RAPGEF2: variants seen among roughly 807,000 people sequenced by gnomAD.
The protein encoded by RAPGEF2 is PDZ domain containing guanine nucleotide exchange factor (GEF) 1.
A neutral mutation model predicts 186.7 loss-of-function variants in RAPGEF2; 54 were observed. That is an observed-to-expected ratio of 0.29 (90% CI 0.23 to 0.36). RAPGEF2 has a LOEUF of 0.36. RAPGEF2 is among the 10% of genes least tolerant of loss of function. The pLI, the probability that RAPGEF2 is intolerant of heterozygous loss-of-function variation, is 1.00. For synonymous variants in RAPGEF2, 712 were observed against 705.9 expected (o/e 1.01, Z -0.14); for missense variants, 1,532 against 2,045.0 (o/e 0.75, Z 4.84).
chr4:159,220,254 A>G (rs1751404917), intron 4 of RAPGEF2, among the ~76,000 whole-genome samples: 1 of 151,990 alleles, frequency 6.6e-6, no homozygotes, highest in Non-Finnish European at 1.5e-5. Context: ...CAAAGTTAGG[A>G]GACACTAGCA....
intron 20 of RAPGEF2, among the ~76,000 whole-genome samples, chr4:159,342,250 T>G (rs886866063): frequency 1.3e-5 from 2 of 152,140 alleles, no homozygotes; most frequent in African/African-American, 4.8e-5. Context: ...TAAGTTTGTT[T>G]CAACTTTTCT....
chr4:159,228,164 TG>T (rs1410499284), intron 4 of RAPGEF2: 1 of 151,858 alleles, frequency 6.6e-6, no homozygotes, highest in Non-Finnish European at 1.5e-5. Context: ...GAGAGGTGGG[TG>T]GGTCATTGAA....
intron 1 of RAPGEF2, among the ~76,000 whole-genome samples, chr4:159,168,370 A>G (rs1745551450): frequency 6.6e-6 from 1 of 152,098 alleles, no homozygotes; most frequent in Non-Finnish European, 1.5e-5. Context: ...CGTGCATTTG[A>G]TAGCCAGAAC....
chr4:159,111,442 C>T (rs1404473578), intron 1 of RAPGEF2, among the ~76,000 whole-genome samples: 1 of 152,222 alleles, frequency 6.6e-6, no homozygotes, highest in Non-Finnish European at 1.5e-5. Flanking sequence ...CTGCCATTTG[C>T]AGTTTAGTTG....
intron 1 of RAPGEF2, among the ~76,000 whole-genome samples, chr4:159,180,277 C>CT (rs1746875395): frequency 6.6e-6 from 1 of 151,048 alleles, no homozygotes; most frequent in African/African-American, 2.5e-5. Context: ...CTCTAGTAAA[C>CT]TTTCTTTCAT....
At chr4:159,216,210 C>T (rs1425051052) in intron 4 of RAPGEF2, among the ~76,000 whole-genome samples, 2 of 152,228 alleles carry the variant, frequency 1.3e-5, no homozygotes, top group East Asian at 3.9e-4. Context: ...GATGATCTAC[C>T]CCTGCCATCA....
intron 7 of RAPGEF2, chr4:159,267,804 T>G (rs866342790): frequency 2.0e-6 from 2 of 1,016,726 alleles, no homozygotes; most frequent in East Asian, 1.9e-4. Flanking sequence ...TTTTTTTTTT[T>G]TTTCCTCTCC....
intron 1 of RAPGEF2, among the ~76,000 whole-genome samples, chr4:159,169,975 T>G (rs1307527248): frequency 6.6e-6 from 1 of 152,142 alleles, no homozygotes; most frequent in Non-Finnish European, 1.5e-5. Flanking sequence ...ATTTTTAATT[T>G]TTTTGCAGGA....
chr4:159,306,903 T>C (rs998340819), intron 8 of RAPGEF2, among the ~76,000 whole-genome samples: 2 of 151,108 alleles, frequency 1.3e-5, no homozygotes, highest in Non-Finnish European at 2.9e-5. Context: ...ATTTTTATGA[T>C]ACTGAAGGAT....
intron 4 of RAPGEF2, 137 bp downstream of exon 4, chr4:159,210,720 C>T: frequency 1.7e-6 from 1 of 597,070 alleles, no homozygotes; most frequent in Non-Finnish European, 2.9e-6. Context: ...GGTGTTGATG[C>T]ATGAATCTTT....
intron 4 of RAPGEF2, among the ~76,000 whole-genome samples, chr4:159,221,711 G>A (rs59855612): frequency 1.3e-5 from 2 of 152,260 alleles, no homozygotes; most frequent in South Asian, 2.1e-4. Flanking sequence ...GCTTAGCCAC[G>A]CTCCTTTAGC....
intron 7 of RAPGEF2, among the ~76,000 whole-genome samples, chr4:159,250,451 G>A (rs1387753701): frequency 6.6e-6 from 1 of 152,104 alleles, no homozygotes; most frequent in East Asian, 1.9e-4. Context: ...TTGCTGATTT[G>A]GATAAATAGT....
chr4:159,180,109 C>T (rs998815150), intron 1 of RAPGEF2, among the ~76,000 whole-genome samples: 5 of 152,240 alleles, frequency 3.3e-5, no homozygotes, highest in African/African-American at 9.6e-5. Context: ...TGCTTAGTCC[C>T]GCTTGCTTTT....
At chr4:159,281,799 TAGG>T (rs1270417875) in intron 7 of RAPGEF2, among the ~76,000 whole-genome samples, 1 of 152,126 alleles carries the variant, frequency 6.6e-6, no homozygotes, top group Non-Finnish European at 1.5e-5. Flanking sequence ...CTTACAATAT[TAGG>T]AGCAAAATGG....
intron 8 of RAPGEF2, among the ~76,000 whole-genome samples, chr4:159,306,141 A>AT (rs35900124): frequency 0.3 from 45,061 of 150,014 alleles, 7,594 homozygotes; most frequent in Non-Finnish European, 0.39. Context: ...GAACTTTAGG[A>AT]TTTTTTTTTT....
At chr4:159,196,787 A>G (rs753031801) in intron 3 of RAPGEF2, among the ~76,000 whole-genome samples, 2 of 152,266 alleles carry the variant, frequency 1.3e-5, no homozygotes, top group Non-Finnish European at 2.9e-5. Context: ...AGGAATTATG[A>G]TAGTGATGCT....
In RAPGEF2 at chr4:159,146,467, TAA is replaced by T. The variant is rs1291636897; in HGVS notation, c.70-40172_70-40171del. On this transcript the variant is annotated intron_variant, in intron 1 of 29. Coordinates refer to ENST00000691494, the MANE Select transcript of RAPGEF2 (RefSeq NM_001394067.2). ...TTTGAAGAACTCAGTTAACTAGAGATAAAAGTCATTTGATGACTGCTTGTTCT... is the reference window on the plus strand; with the variant it reads ...TTTGAAGAACTCAGTTAACTAGAGATAAGTCATTTGATGACTGCTTGTTCT... 2.0e-5 allele frequency among the ~76,000 whole-genome samples: 3 copies of T among 152,158 alleles called. No homozygotes were observed. In the East Asian group the frequency reaches 5.8e-4, roughly 29 times the overall value.
intron 1 of RAPGEF2, among the ~76,000 whole-genome samples, chr4:159,108,803 C>CT (rs755825614): frequency 6.2e-4 from 95 of 152,266 alleles, no homozygotes; most frequent in Non-Finnish European, 1.1e-3. Flanking sequence ...ACTGCAGCCT[C>CT]TATCTCCCAG....
chr4:159,105,284 G>A (rs1737755390), intron 1 of RAPGEF2, among the ~76,000 whole-genome samples: 1 of 152,200 alleles, frequency 6.6e-6, no homozygotes, highest in African/African-American at 2.4e-5. Context: ...CAGACATTTA[G>A]GATCTAATGC....
Sources: allele counts gnomAD v4.1 joint callset (sites outside exome capture counted in the v4.1 genomes callset), GRCh38; gene constraint gnomAD v4.1.1; transcripts MANE v1.5; gene names NCBI Gene and HGNC (gene_info 2026-07-23, HGNC 2026-07-21).